DNAJA1: variants seen among roughly 807,000 people sequenced by gnomAD.
The protein encoded by DNAJA1 is DnaJ heat shock protein family (Hsp40) member A1.
DNAJA1 carries 26 observed loss-of-function variants against 47.6 expected under a neutral mutation model. The observed-to-expected ratio is 0.55, with a 90% CI of 0.40 to 0.76. The LOEUF is 0.76. Among genes scored for constraint, DNAJA1 ranks in the 30% least tolerant of loss-of-function variants. The probability of loss-of-function intolerance (pLI) is 0.00; values close to 1 mark genes in which losing one functional copy is unlikely to be tolerated. For synonymous variants in DNAJA1, 165 were observed against 158.4 expected, an observed-to-expected ratio of 1.04 and a Z score of -0.31; for missense variants, 315 against 485.0, an observed-to-expected ratio of 0.65 and a Z score of 3.29.
rs1447753448 is a variant in DNAJA1, at chr9:33,025,283, C to T, written c.-111C>T. On this transcript the variant is annotated 5_prime_UTR_variant, in exon 1 of 9. Transcript: ENST00000330899. Reference sequence around the variant, plus strand: ...GCTGCGGCGCGCCGGGCGGAACTTTCCAGAACGCTCGGTGAGAGGCGGAGG... The same window carrying T: ...GCTGCGGCGCGCCGGGCGGAACTTTTCAGAACGCTCGGTGAGAGGCGGAGG... 6.6e-6 allele frequency: 1 copy of T among 152,584 alleles called. No homozygotes were observed. The highest frequency in any genetic ancestry group is 1.5e-5 in the Non-Finnish European group (1 of 68,082). The allele number at this position is 152,584 out of a possible 1,614,324, so 9.5% of individuals were successfully genotyped here.
intron 6 of DNAJA1, chr9:33,036,114 T>C (rs767476905): frequency 8.2e-4 from 124 of 151,002 alleles, no homozygotes; most frequent in Non-Finnish European, 1.5e-3. Flanking sequence ...GGCTGATTTT[T>C]TGTATTTTTA....
chr9:33,028,205 A>G (rs1032900414), intron 3 of DNAJA1, among the ~76,000 whole-genome samples: 3 of 152,192 alleles, frequency 2.0e-5, no homozygotes, highest in Non-Finnish European at 4.4e-5. Flanking sequence ...TCAAGCTCAT[A>G]TAGCAAGCCA....
At chr9:33,037,260 C>T (rs1839050463) in intron 8 of DNAJA1, 145 bp downstream of exon 8, 1 of 574,680 alleles carries the variant, frequency 1.7e-6, no homozygotes, top group African/African-American at 1.9e-5. Flanking sequence ...TCCCTTGAGC[C>T]CTGGAGTTTT....
intron 3 of DNAJA1, 94 bp from the exon 4 acceptor site, chr9:33,029,791 T>G (rs528918987): frequency 6.0e-6 from 6 of 993,540 alleles, no homozygotes; most frequent in Non-Finnish European, 9.0e-6. Flanking sequence ...AGGCTCATCT[T>G]TTATTATTCT....
intron 7 of DNAJA1, 149 bp downstream of exon 7, chr9:33,036,838 A>T (rs1839042737): frequency 1.2e-6 from 1 of 803,004 alleles, no homozygotes; most frequent in African/African-American, 1.7e-5. Flanking sequence ...ATGAAGTTAT[A>T]AGGTCTTGGC....
intron 3 of DNAJA1, among the ~76,000 whole-genome samples, chr9:33,027,365 C>T (rs760508937): frequency 1.3e-5 from 2 of 151,778 alleles, no homozygotes; most frequent in African/African-American, 4.8e-5. Flanking sequence ...ATGTTGGTCA[C>T]GCTGGTCTTG....
chr9:33,031,924 T>C (rs1248040101), intron 5 of DNAJA1, among the ~76,000 whole-genome samples: 1 of 152,238 alleles, frequency 6.6e-6, no homozygotes, highest in Non-Finnish European at 1.5e-5. Context: ...TTTGATTGAT[T>C]TGTCAATTTT....
rs369610384 is a variant in DNAJA1, at chr9:33,026,531, A to C, written c.47A>C (p.Asn16Thr). 3 of 1,611,870 alleles carry C rather than the reference A, an allele frequency of 1.9e-6. No homozygotes were observed. The highest frequency in any genetic ancestry group is 2.2e-5 in the East Asian group (1 of 44,868). Residue 16 changes from asparagine (N) to threonine (T), a missense_variant, in exon 2 of 9, where the codon AAT (asparagine) becomes ACT (threonine). Around this residue, in one of 4 missense-constraint regions of DNAJA1, gnomAD observed 100 missense variants for 163.0 expected, o/e 0.61. Transcript: ENST00000330899. ...TYYDVLGVKP[N>T]ATQEELKKAY... ...TACGATGTTTTGGGGGTCAAACCCA[A>C]TGCTACTCAGGAAGAATTGAAAAAG...
In DNAJA1 at chr9:33,026,528, C is replaced by A; in HGVS notation, c.44C>A (p.Pro15His). The change falls in exon 2 of 9, where the codon CCC becomes CAC. Residue 15 changes from proline to histidine, a missense_variant. Coordinates refer to ENST00000330899, the MANE Select transcript of DNAJA1 (RefSeq NM_001539.4). ...TTYYDVLGVK[P>H]NATQEELKKA... Reference sequence around the variant, plus strand: ...TACTACGATGTTTTGGGGGTCAAACCCAATGCTACTCAGGAAGAATTGAAA... The same window carrying A: ...TACTACGATGTTTTGGGGGTCAAACACAATGCTACTCAGGAAGAATTGAAA... 1 of 1,611,202 alleles carries A rather than the reference C, an allele frequency of 6.2e-7. No homozygotes were observed. Among genetic ancestry groups the A allele is most frequent in the Non-Finnish European group, 8.5e-7 (1 of 1,179,358 alleles).
intron 1 of DNAJA1, among the ~76,000 whole-genome samples, chr9:33,025,596 C>T (rs899838303): frequency 3.9e-5 from 6 of 152,230 alleles, no homozygotes; most frequent in African/African-American, 9.6e-5. Flanking sequence ...TTTCCTAGAC[C>T]TCCCTCCTTC....
At chr9:33,028,767 TTTCC>T (rs1262259057) in intron 3 of DNAJA1, among the ~76,000 whole-genome samples, 1 of 152,220 alleles carries the variant, frequency 6.6e-6, no homozygotes, top group Non-Finnish European at 1.5e-5. Context: ...AAGCTTTATT[TTTCC>T]TTCCTTATAC....
At chr9:33,035,078 G>C (rs561694074) in intron 6 of DNAJA1, among the ~76,000 whole-genome samples, 1 of 150,288 alleles carries the variant, frequency 6.7e-6, no homozygotes, top group Non-Finnish European at 1.5e-5. Flanking sequence ...GGTGAAATTG[G>C]GAACATCTTA....
intron 2 of DNAJA1, 25 bp downstream of exon 2, chr9:33,026,641 TA>T (rs1838862977): frequency 1.3e-6 from 2 of 1,589,464 alleles, no homozygotes; most frequent in East Asian, 4.5e-5. Flanking sequence ...CTCTTAAACG[TA>T]TCTGAATAGT....
chr9:33,034,127 T>A, intron 5 of DNAJA1, 89 bp from the exon 6 acceptor site: 1 of 853,040 alleles, frequency 1.2e-6, no homozygotes, highest in Non-Finnish European at 1.7e-6. Context: ...GTGATTTTTA[T>A]GCATAAACAA....
At chr9:33,035,281 G>A (rs1046166485) in intron 6 of DNAJA1, among the ~76,000 whole-genome samples, 3 of 151,970 alleles carry the variant, frequency 2.0e-5, no homozygotes, top group African/African-American at 7.2e-5. Context: ...AGAATCACTT[G>A]AACACAGGAG....
intron 6 of DNAJA1, among the ~76,000 whole-genome samples, chr9:33,035,666 A>C (rs930333590): frequency 4.0e-5 from 6 of 151,624 alleles, no homozygotes; most frequent in African/African-American, 1.5e-4. Context: ...GACGGGTTTC[A>C]CCATGTTGGC....
chr9:33,030,055 G>A (rs1364153203), intron 4 of DNAJA1, 66 bp downstream of exon 4: 4 of 1,427,422 alleles, frequency 2.8e-6, no homozygotes, highest in Admixed American at 1.9e-5. Context: ...CCTGAAAATG[G>A]AGCTAAGACT....
chr9:33,031,644 T>A (rs1023753482), intron 5 of DNAJA1, among the ~76,000 whole-genome samples: 1 of 152,096 alleles, frequency 6.6e-6, no homozygotes, highest in Non-Finnish European at 1.5e-5. Context: ...CATGTTAGGC[T>A]GGTCTCAAAC....
rs1839090047 is a variant in DNAJA1, at chr9:33,039,568, A to G, written c.*665A>G. The G allele has an allele frequency of 8.9e-6, 1 of 112,442 alleles. No individual in the cohort carries two copies. The highest frequency in any genetic ancestry group is 2.0e-5 in the Non-Finnish European group (1 of 48,824). The allele number at this position is 112,442 out of a possible 1,614,324, so 7.0% of individuals were successfully genotyped here. A position where few individuals can be genotyped will look rare whatever the true frequency, so the allele number is the denominator to read the frequency against. ...ATATACATATATATATATAATCTTG[A>G]CCAGTCCTGGTCATTTGCTCCCCTC... On this transcript the variant is annotated 3_prime_UTR_variant, in exon 9 of 9. Coordinates refer to ENST00000330899, the MANE Select transcript of DNAJA1 (RefSeq NM_001539.4).
Sources: allele counts gnomAD v4.1 joint callset (sites outside exome capture counted in the v4.1 genomes callset), GRCh38; gene constraint gnomAD v4.1.1; regional missense constraint gnomAD v4.1.1; transcripts MANE v1.5; gene names NCBI Gene and HGNC (gene_info 2026-07-23, HGNC 2026-07-21).